The following RANBP17 variants were observed in gnomAD, a reference collection of about 807,000 sequenced individuals.
The protein encoded by RANBP17 is RAN binding protein 17, also known as ran-binding protein 17.
RANBP17 carries 158 observed loss-of-function variants against 141.2 expected under a neutral mutation model. That is an observed-to-expected ratio of 1.12 (90% CI 0.98 to 1.28). The LOEUF (loss-of-function observed/expected upper bound fraction) is 1.28. Ranked by LOEUF, RANBP17 falls within the 50% of genes most tolerant of loss-of-function variation. RANBP17 has a pLI of 0.00. For missense variants in RANBP17, 1,438 were observed against 1,290.7 expected, an observed-to-expected ratio of 1.11 and a Z score of -1.75; for synonymous variants, 430 against 450.0, an observed-to-expected ratio of 0.96 and a Z score of 0.56.
intron 14 of RANBP17, among the ~76,000 whole-genome samples, chr5:171,078,041 G>T (rs758705176): frequency 2.0e-5 from 3 of 152,218 alleles, no homozygotes; most frequent in Non-Finnish European, 4.4e-5. Flanking sequence ...GCAAGTGCTG[G>T]TGGAGAAGTT....
At chr5:170,953,187 G>A (rs1441553737) in intron 12 of RANBP17, among the ~76,000 whole-genome samples, 1 of 152,018 alleles carries the variant, frequency 6.6e-6, no homozygotes, top group African/African-American at 2.4e-5. Context: ...CTGGTCCTTG[G>A]ATCATGAGAG....
intron 19 of RANBP17, 94 bp downstream of exon 19, chr5:171,199,867 T>C (rs1447618033): frequency 3.1e-6 from 2 of 641,546 alleles, no homozygotes; most frequent in Non-Finnish European, 5.3e-6. Flanking sequence ...GTGTACTCTT[T>C]GCCTCCTCAG....
At chr5:170,972,893 A>G (rs1777094592) in intron 14 of RANBP17, among the ~76,000 whole-genome samples, 1 of 151,630 alleles carries the variant, frequency 6.6e-6, no homozygotes, top group South Asian at 2.1e-4. Flanking sequence ...TTTCAGAAAA[A>G]TTTTTCCTGT....
At chr5:171,016,890 G>T (rs1036244486) in intron 14 of RANBP17, among the ~76,000 whole-genome samples, 9 of 151,220 alleles carry the variant, frequency 6.0e-5, no homozygotes, top group Non-Finnish European at 4.4e-5. Flanking sequence ...GTCCTCTTAA[G>T]TTCCCTCCCC....
intron 24 of RANBP17, among the ~76,000 whole-genome samples, chr5:171,255,038 A>G (rs1390444826): frequency 1.3e-5 from 2 of 152,212 alleles, no homozygotes; most frequent in African/African-American, 2.4e-5. Context: ...GAAAATTATA[A>G]TATTTAGTAT....
At position 171,183,245 on chromosome 5, in the gene RANBP17, T is replaced by G. The variant is rs1023460403; in HGVS notation, c.1929+15T>G. ...AAAACCACACGGTAAGTCTTATTTCTTTAATTAATGAATAACATTTTACGA... is the reference window on the plus strand; with the variant it reads ...AAAACCACACGGTAAGTCTTATTTCGTTAATTAATGAATAACATTTTACGA... On this transcript the variant is annotated intron_variant, in intron 17 of 27. Coordinates refer to ENST00000523189, the MANE Select transcript of RANBP17 (RefSeq NM_022897.5). 4.4e-6 allele frequency: 7 copies of G among 1,593,274 alleles called. No individual in the cohort carries two copies. The highest frequency in any genetic ancestry group is 2.7e-5 in the African/African-American group (2 of 74,474).
chr5:171,242,258 A>G (rs1452377028), intron 23 of RANBP17, among the ~76,000 whole-genome samples: 1 of 152,142 alleles, frequency 6.6e-6, no homozygotes, highest in African/African-American at 2.4e-5. Flanking sequence ...CCAAATTATT[A>G]TTTAGTTAGA....
intron 18 of RANBP17, among the ~76,000 whole-genome samples, chr5:171,187,997 A>AT (rs1241141514): frequency 6.6e-6 from 1 of 152,220 alleles, no homozygotes; most frequent in Admixed American, 6.5e-5. Flanking sequence ...AAGGCATTGA[A>AT]TTTTTAAATG....
chr5:171,278,574 T>C (rs778848045), intron 25 of RANBP17, among the ~76,000 whole-genome samples: 12 of 152,074 alleles, frequency 7.9e-5, no homozygotes, highest in Non-Finnish European at 1.3e-4. Context: ...TCAAGAGCCA[T>C]GAGGCAGCCA....
chr5:171,064,578 C>G (rs1297049088), intron 14 of RANBP17, among the ~76,000 whole-genome samples: 1 of 152,174 alleles, frequency 6.6e-6, no homozygotes, highest in Non-Finnish European at 1.5e-5. Context: ...CTCACTGCAA[C>G]CTTCTCCTTC....
intron 14 of RANBP17, among the ~76,000 whole-genome samples, chr5:171,024,885 G>A (rs541940758): frequency 1.6e-4 from 24 of 151,800 alleles, no homozygotes; most frequent in African/African-American, 5.8e-4. Context: ...CTCTAGCTAG[G>A]CCTGTCTTCT....
chr5:171,086,278 G>T (rs962091231), intron 14 of RANBP17, among the ~76,000 whole-genome samples: 23 of 144,800 alleles, frequency 1.6e-4, no homozygotes, highest in Non-Finnish European at 3.2e-4. Flanking sequence ...ATTGATTTGC[G>T]TATATTGAAC....
chr5:171,137,520 T>C (rs6868832), intron 14 of RANBP17, among the ~76,000 whole-genome samples: 13,465 of 151,204 alleles, frequency 0.089, 939 homozygotes, highest in African/African-American at 0.19. Flanking sequence ...TATGAAGCCA[T>C]ATAAGAGAAA....
intron 16 of RANBP17, among the ~76,000 whole-genome samples, chr5:171,176,319 C>A (rs1277175332): frequency 2.0e-5 from 3 of 151,964 alleles, no homozygotes; most frequent in Non-Finnish European, 2.9e-5. Context: ...CTTTCTTTTG[C>A]TTGCTTGTTT....
intron 2 of RANBP17, among the ~76,000 whole-genome samples, chr5:170,879,921 A>G (rs1044175443): frequency 1.4e-4 from 21 of 152,192 alleles, no homozygotes; most frequent in Non-Finnish European, 8.8e-5. Flanking sequence ...CTACTGATTT[A>G]TTAACTTACA....
chr5:171,073,915 A>G (rs992810963), intron 14 of RANBP17, among the ~76,000 whole-genome samples: 9 of 151,990 alleles, frequency 5.9e-5, no homozygotes, highest in African/African-American at 1.7e-4. Flanking sequence ...ACATCCTTCA[A>G]TCCATACTGA....
At chr5:171,291,831 A>G (rs1335474091) in intron 25 of RANBP17, among the ~76,000 whole-genome samples, 1 of 152,224 alleles carries the variant, frequency 6.6e-6, no homozygotes, top group Non-Finnish European at 1.5e-5. Context: ...AGAAAAAAAA[A>G]TCACCCATTT....
chr5:171,296,155 C>T, intron 27 of RANBP17, 141 bp downstream of exon 27: 3 of 795,328 alleles, frequency 3.8e-6, no homozygotes, highest in Non-Finnish European at 5.8e-6. Flanking sequence ...AGTTCCATTC[C>T]ATTCAGTAAA....
rs372864171 is a variant in RANBP17 at position 170,962,697 on chromosome 5, G to GA, written c.1575-5538dup. On this transcript the variant is annotated intron_variant, in intron 13 of 27. Coordinates refer to ENST00000523189, the MANE Select transcript of RANBP17 (RefSeq NM_022897.5). ...ATAAACGTATCACACATCCTATTAG[G>GA]AAAAAAACCTCAAAACCTGTTTATA... 2.6e-3 allele frequency among the ~76,000 whole-genome samples: 392 copies of GA among 152,010 alleles called. 7 individuals carry two copies. The East Asian group carries it at 0.041, about 16-fold the overall frequency.
Sources: gnomAD v4.1 joint callset for allele counts (sites outside exome capture counted in the v4.1 genomes callset) on GRCh38, gnomAD v4.1.1 for gene constraint, MANE v1.5 for transcripts, NCBI Gene and HGNC (gene_info 2026-07-23, HGNC 2026-07-21) for gene names.